POLR2I: variants seen among roughly 807,000 people sequenced by gnomAD.
POLR2I encodes DNA-directed RNA polymerase II subunit RPB9.
POLR2I carries 15 observed loss-of-function variants against 23.0 expected under a neutral mutation model. The ratio of observed to expected loss-of-function variants is 0.65; its 90% CI spans 0.44 to 1.00. The LOEUF (loss-of-function observed/expected upper bound fraction) is 1.00. POLR2I is among the 50% of genes least tolerant of loss of function. The pLI is 0.00. For synonymous variants in POLR2I, 72 were observed against 65.4 expected (o/e 1.10, Z -0.49); for missense variants, 120 against 173.7 (o/e 0.69, Z 1.74).
Position 36,114,638 on chromosome 19 carries a change from G to C in POLR2I, c.114+21C>G. The stretch of plus-strand genomic sequence containing the variant: ...CACGCTGGGAACAGGTGGACCTGCC[G>C]GGGAAGACCCCGGCGCTCACCGCGT... On this transcript the variant is annotated intron_variant, in intron 2 of 5. Transcript: ENST00000221859. This position sits in a 1 kb window ranked among gnomAD's most constrained non-coding sequence, Gnocchi z 4.5. 1 of 1,597,918 alleles carries C rather than the reference G, an allele frequency of 6.3e-7. No homozygotes were observed. Among genetic ancestry groups the C allele is most frequent in the South Asian group, 1.1e-5 (1 of 90,038 alleles).
rs750378782 is a variant in POLR2I, at chr19:36,114,446, A to T, written c.115-34T>A. 1 of 1,597,188 alleles carries T rather than the reference A, an allele frequency of 6.3e-7. No individual in the cohort carries two copies. Among genetic ancestry groups the T allele is most frequent in the Non-Finnish European group, 8.6e-7 (1 of 1,164,958 alleles). Reference sequence around the variant, plus strand: ...GGGCGAGTGTGGGGGAAAGGGGGTCACGGAAGGATTCCAGACAAGATTGGG... The same window carrying T: ...GGGCGAGTGTGGGGGAAAGGGGGTCTCGGAAGGATTCCAGACAAGATTGGG... On this transcript the variant is annotated intron_variant, in intron 2 of 5. Transcript: ENST00000221859. The surrounding 1 kb of genome is among the most constrained non-coding windows in gnomAD (Gnocchi z 4.5).
At position 36,114,161 on chromosome 19, in the gene POLR2I, CCAGCTGAACGCT is replaced by C; in HGVS notation, c.263+4_263+15del. 6.2e-7 allele frequency: 1 copy of C among 1,614,090 alleles called. No homozygotes were observed. The highest frequency in any genetic ancestry group is 8.5e-7 in the Non-Finnish European group (1 of 1,179,958). ...CGAGCCTCACTTTACCTCCCCAGTA[CCAGCTGAACGCT>C]CACTTTTGGCACGGGTGGTCCTCGG... On this transcript the variant is annotated splice_donor_5th_base_variant and intron_variant, in intron 4 of 5. Transcript: ENST00000221859. The surrounding 1 kb of genome is among the most constrained non-coding windows in gnomAD (Gnocchi z 4.5).
rs779599367 is a variant in POLR2I at position 36,114,828 on chromosome 19, C to A, written c.29G>T (p.Gly10Val). 1 of 1,614,140 alleles carries A rather than the reference C, an allele frequency of 6.2e-7. No homozygotes were observed. Among genetic ancestry groups the A allele is most frequent in the Admixed American group, 1.7e-5 (1 of 60,032 alleles). MEPDGTYEP[G>V]FVGIRFCQEC... is the part of the protein sequence containing the mutation. ...CTGGCAGAAGCGAATACCCACGAAG[C>A]CCGGCTCGTAAGTCCCGTCGGGCTC... The change falls in exon 1 of 6, where the codon GGC becomes GTC. Residue 10 changes from glycine (G) to valine (V), a missense_variant. Gly to Val is a moderately radical substitution (Grantham distance 109). Transcript: ENST00000221859. The surrounding 1 kb of genome is among the most constrained non-coding windows in gnomAD (Gnocchi z 4.5).
In POLR2I at chr19:36,114,490, C is replaced by T; in HGVS notation, c.115-78G>A. 7.0e-7 allele frequency: 1 copy of T among 1,429,574 alleles called. No individual in the cohort carries two copies. Among genetic ancestry groups the T allele is most frequent in the Non-Finnish European group, 9.8e-7 (1 of 1,015,854 alleles). 88.6% of individuals were successfully genotyped at this position (1,429,574 alleles called of 1,614,324 possible). On this transcript the variant is annotated intron_variant, in intron 2 of 5. Transcript: ENST00000221859. The surrounding 1 kb of genome is among the most constrained non-coding windows in gnomAD (Gnocchi z 4.5). ...GATTGGGAGGAGAGGGCAGGGTGAT[C>T]CCGGAGGATATGACGACAGGACTCT... is the stretch of plus-strand genomic sequence containing the variant.
chr19:36,114,489 T>C lies in POLR2I; in HGVS notation c.115-77A>G, dbSNP rs1367888707. 21 of 1,428,024 alleles carry C rather than the reference T, an allele frequency of 1.5e-5. 1 individual carries two copies. The Admixed American group carries it at 2.9e-4, about 20-fold the overall frequency. 88.5% of individuals were successfully genotyped at this position (1,428,024 alleles called of 1,614,324 possible). A position where few individuals can be genotyped will look rare whatever the true frequency, so the allele number is the denominator to read the frequency against. ...AGATTGGGAGGAGAGGGCAGGGTGA[T>C]CCCGGAGGATATGACGACAGGACTC... is the stretch of plus-strand genomic sequence containing the variant. On this transcript the variant is annotated intron_variant, in intron 2 of 5. Transcript: ENST00000221859. This position sits in a 1 kb window ranked among gnomAD's most constrained non-coding sequence, Gnocchi z 4.5.
Position 36,114,381 on chromosome 19 carries a change from T to G in POLR2I, c.146A>C (p.Asp49Ala). 4 of 1,614,080 alleles carry G rather than the reference T, an allele frequency of 2.5e-6. No individual in the cohort carries two copies. The highest frequency in any genetic ancestry group is 3.4e-6 in the Non-Finnish European group (4 of 1,180,018). Residue 49 changes from aspartate (D) to alanine (A), a missense_variant, in exon 3 of 6, where the codon GAC becomes GCC. Physicochemically the swap from Asp to Ala is moderately radical, Grantham distance 126. Transcript: ENST00000221859. The surrounding 1 kb of genome is among the most constrained non-coding windows in gnomAD (Gnocchi z 4.5). ...CTTGTTGACATAGATGCAGCTGTTG[T>G]CGGCCTCCTGCTGGTAATCACAGTT... ...CRNCDYQQEA[D>A]NSCIYVNKIT...
At position 36,114,179 on chromosome 19, in the gene POLR2I, T is replaced by C; in HGVS notation, c.261A>G (p.Gln87=). 1.2e-6 allele frequency: 2 copies of C among 1,614,102 alleles called. No individual in the cohort carries two copies. The highest frequency in any genetic ancestry group is 1.7e-6 in the Non-Finnish European group (2 of 1,180,000). The change falls in exon 4 of 6, where the codon CAA becomes CAG. Residue 87 remains glutamine (Q), a splice_region_variant and synonymous_variant. Coordinates refer to ENST00000221859, the MANE Select transcript of POLR2I (RefSeq NM_006233.5). This position sits in a 1 kb window ranked among gnomAD's most constrained non-coding sequence, Gnocchi z 4.5. The part of the protein sequence containing the change: ...TLPRTEDHPC[Q]KCGHKEAVFF... ...CCCAGTACCAGCTGAACGCTCACTTTTGGCACGGGTGGTCCTCGGTCCGCG... is the reference window on the plus strand; with the variant it reads ...CCCAGTACCAGCTGAACGCTCACTTCTGGCACGGGTGGTCCTCGGTCCGCG...
At chr19:36,113,845 G>A (rs1973889067) in intron 5 of POLR2I, 28 bp from the exon 6 acceptor site, 1 of 1,611,246 alleles carries the variant, frequency 6.2e-7, no homozygotes, top group Non-Finnish European at 8.5e-7. Context: ...TGGTTAGGAA[G>A]GATTTGGACC....
rs2145903529 is a variant in POLR2I at position 36,114,481 on chromosome 19, C to T, written c.115-69G>A. 1.4e-6 allele frequency: 2 copies of T among 1,461,408 alleles called. No individual in the cohort carries two copies. The highest frequency in any genetic ancestry group is 1.9e-6 in the Non-Finnish European group (2 of 1,043,452). 90.5% of individuals were successfully genotyped at this position (1,461,408 alleles called of 1,614,324 possible). A position where few individuals can be genotyped will look rare whatever the true frequency, so the allele number is the denominator to read the frequency against. On this transcript the variant is annotated intron_variant, in intron 2 of 5. Transcript: ENST00000221859. The surrounding 1 kb of genome is among the most constrained non-coding windows in gnomAD (Gnocchi z 4.5). ...TCCAGACAAGATTGGGAGGAGAGGGCAGGGTGATCCCGGAGGATATGACGA... is the reference window on the plus strand; with the variant it reads ...TCCAGACAAGATTGGGAGGAGAGGGTAGGGTGATCCCGGAGGATATGACGA...
rs1187407125 is a variant in POLR2I at position 36,114,810 on chromosome 19, A to C, written c.47T>G (p.Phe16Cys). 3.2e-5 allele frequency: 51 copies of C among 1,614,086 alleles called. No individual in the cohort carries two copies. The highest frequency in any genetic ancestry group is 4.2e-5 in the Non-Finnish European group (49 of 1,180,046). Residue 16 changes from phenylalanine to cysteine, a missense_variant, in exon 1 of 6, where the codon TTC becomes TGC. Coordinates refer to ENST00000221859, the MANE Select transcript of POLR2I (RefSeq NM_006233.5). This position sits in a 1 kb window ranked among gnomAD's most constrained non-coding sequence, Gnocchi z 4.5. ...TYEPGFVGIRFCQECNNMLYP... is the reference protein window; with the variant it reads ...TYEPGFVGIRCCQECNNMLYP... ...CCCTCCGCCTCACCATTCCTGGCAGAAGCGAATACCCACGAAGCCCGGCTC... is the reference window on the plus strand; with the variant it reads ...CCCTCCGCCTCACCATTCCTGGCAGCAGCGAATACCCACGAAGCCCGGCTC...
At position 36,114,416 on chromosome 19, in the gene POLR2I, C is replaced by A. The variant is rs368763862; in HGVS notation, c.115-4G>T. On this transcript the variant is annotated splice_polypyrimidine_tract_variant and splice_region_variant and intron_variant, in intron 2 of 5. Coordinates refer to ENST00000221859, the MANE Select transcript of POLR2I (RefSeq NM_006233.5). The surrounding 1 kb of genome is among the most constrained non-coding windows in gnomAD (Gnocchi z 4.5). ...GCTGGTAATCACAGTTCCGGCACTACGAGAGGGCGAGTGTGGGGGAAAGGG... is the reference window on the plus strand; with the variant it reads ...GCTGGTAATCACAGTTCCGGCACTAAGAGAGGGCGAGTGTGGGGGAAAGGG... 1 of 1,613,512 alleles carries A rather than the reference C, an allele frequency of 6.2e-7. No individual in the cohort carries two copies. The highest frequency in any genetic ancestry group is 1.3e-5 in the African/African-American group (1 of 75,022).
At position 36,114,362 on chromosome 19, in the gene POLR2I, G is replaced by A. The variant is rs1462432968; in HGVS notation, c.165C>T (p.Val55=). The A allele has an allele frequency of 3.1e-6, 5 of 1,614,130 alleles. No homozygotes were observed. In the South Asian group the frequency reaches 4.4e-5, roughly 14 times the overall value. The change falls in exon 3 of 6, where the codon GTC becomes GTT. Residue 55 remains valine (V), a synonymous_variant. Transcript: ENST00000221859. The surrounding 1 kb of genome is among the most constrained non-coding windows in gnomAD (Gnocchi z 4.5). ...QQEADNSCIY[V]NKITHEVDEL... is the part of the protein sequence containing the mutation. ...ACTCCACTTCGTGCGTGATCTTGTT[G>A]ACATAGATGCAGCTGTTGTCGGCCT... is the stretch of plus-strand genomic sequence containing the variant.
Position 36,114,460 on chromosome 19 carries a change from G to A in POLR2I, c.115-48C>T, listed in dbSNP as rs1212608330. On this transcript the variant is annotated intron_variant, in intron 2 of 5. Coordinates refer to ENST00000221859, the MANE Select transcript of POLR2I (RefSeq NM_006233.5). The surrounding 1 kb of genome is among the most constrained non-coding windows in gnomAD (Gnocchi z 4.5). Reference sequence around the variant, plus strand: ...GAAAGGGGGTCACGGAAGGATTCCAGACAAGATTGGGAGGAGAGGGCAGGG... The same window carrying A: ...GAAAGGGGGTCACGGAAGGATTCCAAACAAGATTGGGAGGAGAGGGCAGGG... The A allele has an allele frequency of 6.4e-7, 1 of 1,567,860 alleles. No homozygotes were observed. The highest frequency in any genetic ancestry group is 1.7e-5 in the Admixed American group (1 of 59,820).
rs776429851 is a variant in POLR2I, at chr19:36,114,848, G to A, written c.9C>T (p.Pro3=). Residue 3 remains proline, a synonymous_variant, in exon 1 of 6, where the codon CCC becomes CCT. Coordinates refer to ENST00000221859, the MANE Select transcript of POLR2I (RefSeq NM_006233.5). This position sits in a 1 kb window ranked among gnomAD's most constrained non-coding sequence, Gnocchi z 4.5. ME[P]DGTYEPGFVG... ...CGAAGCCCGGCTCGTAAGTCCCGTC[G>A]GGCTCCATGGCGACGCGCAGCCCGC... 5.0e-6 allele frequency: 8 copies of A among 1,613,512 alleles called. No individual in the cohort carries two copies. The highest frequency in any genetic ancestry group is 4.5e-5 in the East Asian group (2 of 44,880).
Position 36,114,215 on chromosome 19 carries a change from G to A in POLR2I, c.225C>T (p.Asp75=). The A allele has an allele frequency of 6.2e-7, 1 of 1,614,112 alleles. No homozygotes were observed. The highest frequency in any genetic ancestry group is 8.5e-7 in the Non-Finnish European group (1 of 1,180,014). ...LTQIIADVSQ[D]PTLPRTEDHP... is the part of the protein sequence containing the mutation. ...GGTCCTCGGTCCGCGGCAACGTGGG[G>A]TCCTGGGACACGTCGGCGATAATCT... is the stretch of plus-strand genomic sequence containing the variant. Residue 75 remains aspartate, a synonymous_variant, in exon 4 of 6, where the codon GAC becomes GAT. Coordinates refer to ENST00000221859, the MANE Select transcript of POLR2I (RefSeq NM_006233.5). This position sits in a 1 kb window ranked among gnomAD's most constrained non-coding sequence, Gnocchi z 4.5.
chr19:36,114,531 G>C lies in POLR2I; in HGVS notation c.115-119C>G, dbSNP rs1483378774. ...ACAGGACTCTCTTTGGGGATGGGCAGGACATGAGAGTCAGGATCACTTGAG... is the reference window on the plus strand; with the variant it reads ...ACAGGACTCTCTTTGGGGATGGGCACGACATGAGAGTCAGGATCACTTGAG... On this transcript the variant is annotated intron_variant, in intron 2 of 5. Coordinates refer to ENST00000221859, the MANE Select transcript of POLR2I (RefSeq NM_006233.5). The surrounding 1 kb of genome is among the most constrained non-coding windows in gnomAD (Gnocchi z 4.5). 3.1e-6 allele frequency: 4 copies of C among 1,287,330 alleles called. No homozygotes were observed. In the African/African-American group the frequency reaches 4.4e-5, roughly 14 times the overall value. The allele number at this position is 1,287,330 out of a possible 1,614,324, so 79.7% of individuals were successfully genotyped here. A position where few individuals can be genotyped will look rare whatever the true frequency, so the allele number is the denominator to read the frequency against.
Position 36,114,129 on chromosome 19 carries a change from G to A in POLR2I, c.263+48C>T, listed in dbSNP as rs1394556651. The stretch of plus-strand genomic sequence containing the variant: ...CCCTTCCCTCCTCCCTTCGCCCAGT[G>A]AGGAGACGAGCCTCACTTTACCTCC... On this transcript the variant is annotated intron_variant, in intron 4 of 5. Coordinates refer to ENST00000221859, the MANE Select transcript of POLR2I (RefSeq NM_006233.5). This position sits in a 1 kb window ranked among gnomAD's most constrained non-coding sequence, Gnocchi z 4.5. 1 of 1,613,600 alleles carries A rather than the reference G, an allele frequency of 6.2e-7. No individual in the cohort carries two copies. Among genetic ancestry groups the A allele is most frequent in the African/African-American group, 1.3e-5 (1 of 75,032 alleles).
In POLR2I at chr19:36,113,801, TAAAG is replaced by T; in HGVS notation, c.328_331del (p.Leu110ThrfsTer31). On this transcript the variant is annotated frameshift_variant, in exon 6 of 6. Transcript: ENST00000221859. LOFTEE classifies it high-confidence loss of function. ...GCAGTGTGGGGCTGTGCACACGTAG[TAAAG>T]GCGCATGGCGTCCTGGCAGAAATGA... The T allele has an allele frequency of 1.9e-6, 3 of 1,612,990 alleles. No individual in the cohort carries two copies. Among genetic ancestry groups the T allele is most frequent in the Non-Finnish European group, 2.5e-6 (3 of 1,179,924 alleles).
rs775316113 is a variant in POLR2I at position 36,113,769 on chromosome 19, G to T, written c.364C>A (p.Arg122Ser). ...YVCTAPHCGH[R>S]WTE ...GAGAGAGGAGGTCACTCGGTCCAGCGGTGGCCGCAGTGTGGGGCTGTGCAC... is the reference window on the plus strand; with the variant it reads ...GAGAGAGGAGGTCACTCGGTCCAGCTGTGGCCGCAGTGTGGGGCTGTGCAC... Residue 122 changes from arginine to serine, a missense_variant, in exon 6 of 6, where the codon CGC becomes AGC. Physicochemically the swap from Arg to Ser is moderately radical, Grantham distance 110 (BLOSUM62 -1). Coordinates refer to ENST00000221859, the MANE Select transcript of POLR2I (RefSeq NM_006233.5). The T allele has an allele frequency of 1.5e-5, 25 of 1,613,458 alleles. No individual in the cohort carries two copies. The highest frequency in any genetic ancestry group is 2.1e-5 in the Non-Finnish European group (25 of 1,179,912).
Sources: gnomAD v4.1 joint callset for allele counts on GRCh38, gnomAD v4.1.1 for gene constraint, Gnocchi (gnomAD v3.1) non-coding constraint, MANE v1.5 for transcripts, NCBI Gene and HGNC (gene_info 2026-07-23, HGNC 2026-07-21) for gene names.